NUMB: variants seen among roughly 807,000 people sequenced by gnomAD.
NUMB encodes NUMB endocytic adaptor protein.
A neutral mutation model predicts 59.7 loss-of-function variants in NUMB; 29 were observed. That is an observed-to-expected ratio of 0.49 (90% confidence interval 0.36 to 0.66). NUMB has a LOEUF of 0.66. Among genes scored for constraint, NUMB ranks in the 30% least tolerant of loss-of-function variants. The pLI, the probability that NUMB is intolerant of heterozygous loss-of-function variation, is 0.00. For synonymous variants in NUMB, 288 were observed against 288.2 expected, an observed-to-expected ratio of 1.00 and a Z score of 0.01; for missense variants, 723 against 822.0, an observed-to-expected ratio of 0.88 and a Z score of 1.47.
chr14:73,281,164 G>GT (rs1182446425), intron 11 of NUMB, among the ~76,000 whole-genome samples: 1 of 152,032 alleles, frequency 6.6e-6, no homozygotes, highest in Non-Finnish European at 1.5e-5. Flanking sequence ...TCAGCAGAAT[G>GT]TAACGGGTAC....
At chr14:73,297,981 C>T (rs577213302) in intron 6 of NUMB, 2 of 152,016 alleles carry the variant, frequency 1.3e-5, no homozygotes, top group African/African-American at 2.4e-5. Context: ...CTCCCCATCC[C>T]GGGTTTAAGT....
At chr14:73,307,128 T>C (rs143766647) in intron 6 of NUMB, among the ~76,000 whole-genome samples, 9,839 of 151,982 alleles carry the variant, frequency 0.065, 788 homozygotes, top group African/African-American at 0.18. Flanking sequence ...GCTAACACAG[T>C]GAAACCCTGT....
At chr14:73,292,291 C>A (rs1327421809) in intron 8 of NUMB, among the ~76,000 whole-genome samples, 1 of 152,190 alleles carries the variant, frequency 6.6e-6, no homozygotes, top group Non-Finnish European at 1.5e-5. Flanking sequence ...CTCAAGTGAT[C>A]TTCCTGCCCT....
chr14:73,337,957 T>G (rs1345209501), intron 4 of NUMB, among the ~76,000 whole-genome samples: 1 of 152,160 alleles, frequency 6.6e-6, no homozygotes, highest in African/African-American at 2.4e-5. Context: ...AATTAATATA[T>G]GGGAACTCCA....
At chr14:73,421,001 A>G (rs1196635834) in intron 1 of NUMB, among the ~76,000 whole-genome samples, 2 of 152,218 alleles carry the variant, frequency 1.3e-5, no homozygotes, top group African/African-American at 4.8e-5. Flanking sequence ...CTATCTTTAG[A>G]AAAAAGACAA....
intron 1 of NUMB, among the ~76,000 whole-genome samples, chr14:73,453,479 C>T (rs749173223): frequency 6.6e-6 from 1 of 152,046 alleles, no homozygotes; most frequent in Non-Finnish European, 1.5e-5. Context: ...AATATTGTAC[C>T]TAGTATTTAA....
chr14:73,352,502 A>G (rs1190296540), intron 4 of NUMB, among the ~76,000 whole-genome samples: 412 of 12,298 alleles, frequency 0.034, 81 homozygotes, highest in African/African-American at 0.14. Context: ...ATATATATAT[A>G]TATATATATA....
At chr14:73,348,891 A>G (rs1031820512) in intron 4 of NUMB, among the ~76,000 whole-genome samples, 1 of 152,228 alleles carries the variant, frequency 6.6e-6, no homozygotes, top group African/African-American at 2.4e-5. Context: ...AATTATTTCA[A>G]CACTGTATAC....
intron 2 of NUMB, among the ~76,000 whole-genome samples, chr14:73,404,889 T>C (rs147753800): frequency 0.051 from 7,801 of 151,636 alleles, 649 homozygotes; most frequent in African/African-American, 0.18. Context: ...GCCTCCAGAG[T>C]AGCTGGGATT....
At chr14:73,304,983 T>C (rs1594885865) in intron 6 of NUMB, among the ~76,000 whole-genome samples, 1 of 151,718 alleles carries the variant, frequency 6.6e-6, no homozygotes, top group Non-Finnish European at 1.5e-5. Flanking sequence ...GCCAGGCTGG[T>C]CTTGAACTGC....
At chr14:73,422,908 C>CAAA (rs143271018) in intron 1 of NUMB, among the ~76,000 whole-genome samples, 35 of 123,062 alleles carry the variant, frequency 2.8e-4, no homozygotes, top group East Asian at 1.1e-3. Flanking sequence ...GATCCTGTCT[C>CAAA]AAAAAAAAAA....
At chr14:73,367,330 C>CATATATATAT (rs369452106) in intron 2 of NUMB, among the ~76,000 whole-genome samples, 47 of 116,076 alleles carry the variant, frequency 4.0e-4, no homozygotes, top group East Asian at 3.1e-3. Context: ...CACATATATA[C>CATATATATAT]ATATATATAT....
chr14:73,357,807 A>T (rs1021477421), intron 3 of NUMB, among the ~76,000 whole-genome samples: 2 of 151,818 alleles, frequency 1.3e-5, no homozygotes, highest in African/African-American at 4.8e-5. Flanking sequence ...AAACAAAAAC[A>T]GACACAAATA....
chr14:73,352,501 TATATATATATATATATATATATATA>T (rs1566756205), intron 4 of NUMB, among the ~76,000 whole-genome samples: 317 of 12,692 alleles, frequency 0.025, 42 homozygotes, highest in Non-Finnish European at 0.033. Context: ...TATATATATA[TATATATATATATATATATATATATA>T]TATGTTTTTT....
chr14:73,358,881 A>G (rs1405973344), intron 3 of NUMB, among the ~76,000 whole-genome samples: 1 of 152,180 alleles, frequency 6.6e-6, no homozygotes, highest in African/African-American at 2.4e-5. Flanking sequence ...ACTAGGTAGG[A>G]AAAGTCTCAA....
At chr14:73,404,714 A>T (rs909190874) in intron 2 of NUMB, among the ~76,000 whole-genome samples, 2 of 152,154 alleles carry the variant, frequency 1.3e-5, no homozygotes, top group African/African-American at 4.8e-5. Flanking sequence ...TAAAGGGCAT[A>T]TAGGACTTCA....
At chr14:73,444,536 A>T (rs1334269715) in intron 1 of NUMB, among the ~76,000 whole-genome samples, 1 of 152,174 alleles carries the variant, frequency 6.6e-6, no homozygotes, top group Non-Finnish European at 1.5e-5. Context: ...TAAAATAAAG[A>T]TGTTTAAAAC....
intron 11 of NUMB, among the ~76,000 whole-genome samples, chr14:73,280,434 T>C (rs1041869748): frequency 6.6e-6 from 1 of 151,894 alleles, no homozygotes; most frequent in Non-Finnish European, 1.5e-5. Flanking sequence ...CACAGAACAT[T>C]TTTTAACAAA....
intron 2 of NUMB, among the ~76,000 whole-genome samples, chr14:73,386,902 A>T (rs918605833): frequency 1.8e-5 from 1 of 56,880 alleles, no homozygotes. Flanking sequence ...TTTTTTTGAG[A>T]CGGAGTCTCG....
Sources: allele counts gnomAD v4.1 joint callset (sites outside exome capture counted in the v4.1 genomes callset), GRCh38; gene constraint gnomAD v4.1.1; transcripts MANE v1.5; gene names NCBI Gene and HGNC (gene_info 2026-07-23, HGNC 2026-07-21).